ZNF83: variants seen among roughly 807,000 people sequenced by gnomAD.
The protein encoded by ZNF83 is zinc finger protein 83, also known as zinc finger protein 816B.
For missense variants in ZNF83, 552 were observed against 629.9 expected, an observed-to-expected ratio of 0.88 and a Z score of 1.32; for synonymous variants, 209 against 213.0, an observed-to-expected ratio of 0.98 and a Z score of 0.17.
At chr19:52,670,196 T>TC (rs1359410591) in intron 1 of ZNF83, among the ~76,000 whole-genome samples, 4 of 151,796 alleles carry the variant, frequency 2.6e-5, no homozygotes, top group Admixed American at 6.6e-5. Flanking sequence ...CTCATTCTGA[T>TC]CACCTGCCCC....
At chr19:52,687,693 C>T (rs1301227119) in intron 1 of ZNF83, among the ~76,000 whole-genome samples, 1 of 131,574 alleles carries the variant, frequency 7.6e-6, no homozygotes, top group Non-Finnish European at 1.6e-5. Flanking sequence ...GGCTTGGTGG[C>T]TCATGTCTGA....
chr19:52,615,097 C>T (rs1252981552), intron 2 of ZNF83, among the ~76,000 whole-genome samples: 1 of 152,092 alleles, frequency 6.6e-6, no homozygotes, highest in Non-Finnish European at 1.5e-5. Context: ...TTTTTTCCAA[C>T]ATGAAGCCTG....
intron 2 of ZNF83, among the ~76,000 whole-genome samples, chr19:52,627,334 T>G (rs2060780314): frequency 6.7e-6 from 1 of 150,324 alleles, no homozygotes; most frequent in Non-Finnish European, 1.5e-5. Context: ...TAGTTGAGGG[T>G]GGAGGGTGGG....
At chr19:52,673,894 T>TA (rs1222939212) in intron 1 of ZNF83, among the ~76,000 whole-genome samples, 1 of 150,146 alleles carries the variant, frequency 6.7e-6, no homozygotes, top group Admixed American at 6.7e-5. Flanking sequence ...TGTGTGCCTG[T>TA]AATCCCAGCT....
At position 52,683,790 on chromosome 19, in the gene ZNF83, T is replaced by G. The variant is rs370751641; in HGVS notation, c.-283+6653A>C. On this transcript the variant is annotated intron_variant, in intron 1 of 5. Coordinates refer to the ZNF83 transcript ENST00000594682. Reference sequence around the variant, plus strand: ...TTCCAGAAGAAATGTGGGAACATCCTCACATTTGCCCCAGCCCCTCAGTCT... The same window carrying G: ...TTCCAGAAGAAATGTGGGAACATCCGCACATTTGCCCCAGCCCCTCAGTCT... Among the ~76,000 whole-genome samples the G allele has an allele frequency of 1.4e-4, 22 of 152,248 alleles. 2 individuals are homozygous for G. Among genetic ancestry groups the G allele is most frequent in the Admixed American group, 9.8e-4 (15 of 15,278 alleles).
At chr19:52,650,576 T>C (rs1312395771) in intron 3 of ZNF83, 3 of 152,320 alleles carry the variant, frequency 2.0e-5, no homozygotes, top group African/African-American at 7.2e-5. Flanking sequence ...ACTTTTCTAA[T>C]AGACTCAGGA....
intron 2 of ZNF83, among the ~76,000 whole-genome samples, chr19:52,624,637 G>T (rs753313160): frequency 3.9e-5 from 6 of 152,108 alleles, no homozygotes; most frequent in African/African-American, 4.8e-5. Context: ...ACTACACACA[G>T]CCGAAGTGCA....
chr19:52,645,295 A>T (rs2061357763), intron 3 of ZNF83, among the ~76,000 whole-genome samples: 1 of 152,202 alleles, frequency 6.6e-6, no homozygotes, highest in Non-Finnish European at 1.5e-5. Context: ...GTTTCCAATA[A>T]ATAATAAAGA....
chr19:52,674,152 T>C (rs1451886961), intron 1 of ZNF83: 1 of 151,888 alleles, frequency 6.6e-6, no homozygotes, highest in Admixed American at 6.6e-5. Flanking sequence ...TCAAATGAAC[T>C]CTTGGGCCTT....
intron 3 of ZNF83, among the ~76,000 whole-genome samples, chr19:52,649,026 C>T (rs778393969): frequency 7.9e-5 from 12 of 152,178 alleles, no homozygotes; most frequent in Non-Finnish European, 1.2e-4. Context: ...GCCCCCTCAA[C>T]GACCTTTCCC....
At chr19:52,664,839 C>T (rs901589388) in intron 1 of ZNF83, among the ~76,000 whole-genome samples, 1 of 152,032 alleles carries the variant, frequency 6.6e-6, no homozygotes, top group African/African-American at 2.4e-5. Flanking sequence ...CTCTATCTCA[C>T]TCTCCGTGTT....
chr19:52,627,198 C>T (rs11671080), intron 2 of ZNF83, among the ~76,000 whole-genome samples: 28,962 of 151,968 alleles, frequency 0.19, 2,870 homozygotes, highest in Middle Eastern at 0.24. Flanking sequence ...TGCCCCACCC[C>T]ATCTCCTTTT....
chr19:52,652,879 C>T (rs1198276892), intron 3 of ZNF83: 32 of 1,043,650 alleles, frequency 3.1e-5, no homozygotes, highest in Non-Finnish European at 4.4e-5. Context: ...GGTCTTGCCA[C>T]ACTCATTGCA....
intron 1 of ZNF83, among the ~76,000 whole-genome samples, chr19:52,638,101 G>A (rs1297145982): frequency 2.0e-5 from 3 of 152,152 alleles, no homozygotes; most frequent in Admixed American, 1.3e-4. Flanking sequence ...TGTATACATC[G>A]CCCTACAGCA....
chr19:52,628,341 T>G (rs981841811), intron 2 of ZNF83, among the ~76,000 whole-genome samples: 1 of 152,168 alleles, frequency 6.6e-6, no homozygotes, highest in African/African-American at 2.4e-5. Context: ...TCAAATCCGG[T>G]AAGTGGCCTC....
At chr19:52,663,191 A>G (rs754002753) in intron 1 of ZNF83, among the ~76,000 whole-genome samples, 21 of 152,094 alleles carry the variant, frequency 1.4e-4, no homozygotes, top group Non-Finnish European at 2.8e-4. Context: ...TTCCAGGACC[A>G]TCTGTTATAT....
At chr19:52,640,555 A>T (rs1277866615), upstream of ZNF83, among the ~76,000 whole-genome samples, 3 of 152,160 alleles carry the variant, frequency 2.0e-5, no homozygotes, top group Non-Finnish European at 4.4e-5. Context: ...TTTGAGAGGC[A>T]GTATTGCTCT....
At chr19:52,639,887 A>T (rs2061274781), upstream of ZNF83, among the ~76,000 whole-genome samples, 1 of 152,240 alleles carries the variant, frequency 6.6e-6, no homozygotes, top group African/African-American at 2.4e-5. Context: ...AAATTGAGGC[A>T]AACAGCTAAG....
intron 1 of ZNF83, chr19:52,660,987 AC>A (rs1482074611): frequency 6.6e-6 from 1 of 152,290 alleles, no homozygotes. Flanking sequence ...GCCTCAGTGT[AC>A]CAAGTAGCTG....
Sources: gnomAD v4.1 joint callset for allele counts (sites outside exome capture counted in the v4.1 genomes callset) on GRCh38, gnomAD v4.1.1 for gene constraint, MANE v1.5 for transcripts, NCBI Gene and HGNC (gene_info 2026-07-23, HGNC 2026-07-21) for gene names.